TRABD2B: variants seen among roughly 807,000 people sequenced by gnomAD.
TRABD2B encodes the protein TraB domain containing 2B, also known as metalloprotease TIKI2.
A neutral mutation model predicts 40.1 loss-of-function variants in TRABD2B; 14 were observed. That is an observed-to-expected ratio of 0.35 (90% CI 0.23 to 0.55). The LOEUF (loss-of-function observed/expected upper bound fraction) is 0.55, where lower values mean the gene tolerates loss of function less well. TRABD2B is among the 20% of genes least tolerant of loss of function. The pLI, the probability that TRABD2B is intolerant of heterozygous loss-of-function variation, is 0.90. For missense variants in TRABD2B, 541 were observed against 648.6 expected, an observed-to-expected ratio of 0.83 and a Z score of 1.80; for synonymous variants, 263 against 277.0, an observed-to-expected ratio of 0.95 and a Z score of 0.50.
At chr1:47,829,545 A>G (rs1645222338) in intron 2 of TRABD2B, among the ~76,000 whole-genome samples, 1 of 152,002 alleles carries the variant, frequency 6.6e-6, no homozygotes, top group Non-Finnish European at 1.5e-5. Flanking sequence ...CATCCTCTCC[A>G]TCACCACTCC....
In TRABD2B at chr1:47,950,266, T is replaced by C. The variant is rs145341575; in HGVS notation, c.666+43768A>G. Among the ~76,000 whole-genome samples, 574 of 151,324 alleles carry C rather than the reference T, an allele frequency of 3.8e-3. 6 individuals are homozygous for C. Among genetic ancestry groups the C allele is most frequent in the African/African-American group, 0.013 (524 of 41,186 alleles). ...GGCCACTGCACTCCAGCTTGGGCGA[T>C]AGAGCAAGACTCCGTCTCAAAAGAA... On this transcript the variant is annotated intron_variant, in intron 2 of 6. Coordinates refer to ENST00000606738, the MANE Select transcript of TRABD2B (RefSeq NM_001194986.2).
intron 2 of TRABD2B, among the ~76,000 whole-genome samples, chr1:47,806,719 G>A (rs547906947): frequency 6.6e-6 from 1 of 152,334 alleles, no homozygotes; most frequent in African/African-American, 2.4e-5. Flanking sequence ...AAGGAGTGAG[G>A]CAGGCGCCAG....
chr1:47,906,066 G>C (rs1273348196), intron 2 of TRABD2B, among the ~76,000 whole-genome samples: 1 of 152,160 alleles, frequency 6.6e-6, no homozygotes. Context: ...GCACACCCTT[G>C]CTCAAGGTCA....
Position 47,997,291 on chromosome 1 carries a change from TGCCC to T in TRABD2B, c.-506_-503del, listed in dbSNP as rs1557704697. 3 of 892,626 alleles carry T rather than the reference TGCCC, an allele frequency of 3.4e-6. No individual in the cohort carries two copies. In the African/African-American group the frequency reaches 5.7e-5, roughly 17 times the overall value. 55.3% of individuals were successfully genotyped at this position (892,626 alleles called of 1,614,324 possible). A position where few individuals can be genotyped will look rare whatever the true frequency, so the allele number is the denominator to read the frequency against. ...GGGGGGCGGCTCTGGGGCGACCGGC[TGCCC>T]CCGAGCCCGGCTCAGAGGGGCGGCG... On this transcript the variant is annotated 5_prime_UTR_variant, in exon 1 of 7. Transcript: ENST00000606738.
intron 2 of TRABD2B, among the ~76,000 whole-genome samples, chr1:47,878,607 T>C (rs1644257717): frequency 1.3e-5 from 2 of 152,208 alleles, no homozygotes; most frequent in Non-Finnish European, 2.9e-5. Context: ...ATGACACTAC[T>C]ACATTTTTAA....
intron 2 of TRABD2B, among the ~76,000 whole-genome samples, chr1:47,965,358 C>A (rs1300157132): frequency 6.6e-6 from 1 of 151,264 alleles, no homozygotes; most frequent in East Asian, 2.0e-4. Context: ...AGTTACAGAT[C>A]TGGACTTGAA....
intron 2 of TRABD2B, among the ~76,000 whole-genome samples, chr1:47,810,735 G>A (rs1002749110): frequency 2.6e-5 from 4 of 152,200 alleles, no homozygotes; most frequent in Non-Finnish European, 5.9e-5. Flanking sequence ...GTAGCTGCAG[G>A]GGGAAGCTTA....
At chr1:47,931,800 C>G (rs1645043690) in intron 2 of TRABD2B, among the ~76,000 whole-genome samples, 1 of 152,124 alleles carries the variant, frequency 6.6e-6, no homozygotes, top group Admixed American at 6.5e-5. Context: ...GGATCAAGAG[C>G]ACAATAAAAG....
chr1:47,908,361 A>G (rs1644706474), intron 2 of TRABD2B, among the ~76,000 whole-genome samples: 1 of 152,232 alleles, frequency 6.6e-6, no homozygotes, highest in Non-Finnish European at 1.5e-5. Context: ...AGAGAAAAAA[A>G]GAGGATTTTT....
intron 2 of TRABD2B, among the ~76,000 whole-genome samples, chr1:47,979,543 T>G (rs1458206721): frequency 6.6e-6 from 1 of 152,128 alleles, no homozygotes; most frequent in East Asian, 1.9e-4. Context: ...GGTCATGCTG[T>G]GGGACTCCCA....
chr1:47,818,388 T>C (rs962209436), intron 2 of TRABD2B, among the ~76,000 whole-genome samples: 2 of 152,224 alleles, frequency 1.3e-5, no homozygotes, highest in Non-Finnish European at 2.9e-5. Context: ...GGGACCTGTT[T>C]TGCCATCTCT....
intron 2 of TRABD2B, among the ~76,000 whole-genome samples, chr1:47,942,440 G>A (rs1177980962): frequency 1.3e-5 from 2 of 152,154 alleles, no homozygotes; most frequent in South Asian, 4.1e-4. Flanking sequence ...GCAGTGTCCT[G>A]CTCCAGCAAT....
chr1:47,801,063 C>T (rs1644817093), intron 3 of TRABD2B, among the ~76,000 whole-genome samples: 1 of 152,192 alleles, frequency 6.6e-6, no homozygotes, highest in Non-Finnish European at 1.5e-5. Flanking sequence ...CAGCTGGTGA[C>T]AATCTTTCCT....
intron 2 of TRABD2B, among the ~76,000 whole-genome samples, chr1:47,840,983 A>G (rs1361961778): frequency 1.3e-5 from 2 of 152,168 alleles, no homozygotes; most frequent in Non-Finnish European, 2.9e-5. Context: ...AATGAAGCCT[A>G]TTCAAACCTG....
chr1:47,909,613 T>G, intron 2 of TRABD2B, among the ~76,000 whole-genome samples: 2 of 146,420 alleles, frequency 1.4e-5, no homozygotes, highest in East Asian at 2.0e-4. Flanking sequence ...GCCAGACTCT[T>G]TTAAACGACC....
intron 2 of TRABD2B, among the ~76,000 whole-genome samples, chr1:47,929,188 C>G (rs986007296): frequency 2.6e-5 from 4 of 152,188 alleles, no homozygotes; most frequent in African/African-American, 9.7e-5. Context: ...AGCAAGGCAC[C>G]TGGAGCACAG....
intron 2 of TRABD2B, among the ~76,000 whole-genome samples, chr1:47,847,409 C>T (rs947230853): frequency 1.3e-5 from 2 of 152,196 alleles, no homozygotes; most frequent in Admixed American, 6.5e-5. Flanking sequence ...CAATGGCCAG[C>T]ACAGTGGCTG....
chr1:47,791,036 C>G (rs753334392), intron 4 of TRABD2B, among the ~76,000 whole-genome samples: 25 of 152,238 alleles, frequency 1.6e-4, no homozygotes, highest in Non-Finnish European at 8.8e-5. Flanking sequence ...AGCTCTTACC[C>G]TTTGCACTGA....
chr1:47,801,446 A>G, intron 3 of TRABD2B, 27 bp downstream of exon 3: 1 of 1,533,448 alleles, frequency 6.5e-7, no homozygotes, highest in South Asian at 1.2e-5. Context: ...AATGCCAGGT[A>G]TCCAGGTCTT....
Sources: allele counts gnomAD v4.1 joint callset (sites outside exome capture counted in the v4.1 genomes callset), GRCh38; gene constraint gnomAD v4.1.1; transcripts MANE v1.5; gene names NCBI Gene and HGNC (gene_info 2026-07-23, HGNC 2026-07-21).